PCDHGA3: variants seen among roughly 807,000 people sequenced by gnomAD.
The protein encoded by PCDHGA3 is protocadherin gamma subfamily A, 3.
A neutral mutation model predicts 58.5 loss-of-function variants in PCDHGA3; 40 were observed. The observed-to-expected ratio is 0.68, with a 90% CI of 0.53 to 0.89. The LOEUF is 0.89. PCDHGA3 is among the 40% of genes least tolerant of loss of function. The probability of loss-of-function intolerance (pLI) is 0.00; values close to 1 mark genes in which losing one functional copy is unlikely to be tolerated. For synonymous variants in PCDHGA3, 530 were observed against 525.7 expected (o/e 1.01, Z -0.11); for missense variants, 1,223 against 1,195.9 (o/e 1.02, Z -0.33).
intron 1 of PCDHGA3, among the ~76,000 whole-genome samples, chr5:141,359,034 G>C (rs79372563): frequency 0.023 from 3,485 of 152,348 alleles, 54 homozygotes; most frequent in South Asian, 0.038. Flanking sequence ...GGAAGTTGTA[G>C]TGATAGACTG....
At position 141,422,850 on chromosome 5, in the gene PCDHGA3, G is replaced by A. The variant is rs184432819; in HGVS notation, c.2425-71957G>A. On this transcript the variant is annotated intron_variant, in intron 1 of 3. Transcript: ENST00000253812. Reference sequence around the variant, plus strand: ...TGATAGCACGTGACAGCGGGGACCCGCCCCTCAGCAGCAACGTGTCGCTGA... The same window carrying A: ...TGATAGCACGTGACAGCGGGGACCCACCCCTCAGCAGCAACGTGTCGCTGA... 154 of 1,614,204 alleles carry A rather than the reference G, an allele frequency of 9.5e-5. 1 individual carries two copies. The African/African-American group carries it at 1.3e-3, about 14-fold the overall frequency.
intron 1 of PCDHGA3, chr5:141,394,909 C>A (rs1349151273): frequency 1.9e-6 from 3 of 1,613,418 alleles, no homozygotes; most frequent in East Asian, 4.5e-5. Context: ...GCAGTGGCTG[C>A]CATCTCCTGT....
intron 1 of PCDHGA3, among the ~76,000 whole-genome samples, chr5:141,437,721 A>G (rs2097904045): frequency 6.6e-6 from 1 of 151,664 alleles, no homozygotes; most frequent in African/African-American, 2.4e-5. Flanking sequence ...TTACCCTCTA[A>G]TGTTACACTT....
chr5:141,484,068 G>C (rs1287427208), intron 1 of PCDHGA3, among the ~76,000 whole-genome samples: 1 of 152,114 alleles, frequency 6.6e-6, no homozygotes, highest in African/African-American at 2.4e-5. Flanking sequence ...TAAGTGAAAA[G>C]CTTGCTCTTT....
intron 1 of PCDHGA3, chr5:141,478,531 C>G (rs771145308): frequency 1.2e-6 from 2 of 1,608,190 alleles, no homozygotes; most frequent in East Asian, 2.2e-5. Context: ...GTGCAGAGAG[C>G]GCCCCTCCCG....
At chr5:141,441,398 G>A (rs1257981333) in intron 1 of PCDHGA3, 1 of 154,848 alleles carries the variant, frequency 6.5e-6, no homozygotes, top group Non-Finnish European at 1.4e-5. Context: ...TATAACATCA[G>A]CATCACTGCC....
At chr5:141,351,532 C>CA in intron 1 of PCDHGA3, 2 of 1,614,046 alleles carry the variant, frequency 1.2e-6, no homozygotes, top group Non-Finnish European at 1.7e-6. Flanking sequence ...CCGACAAGGG[C>CA]AAACCAGCCC....
chr5:141,404,676 T>G lies in PCDHGA3; in HGVS notation c.2424+58219T>G, dbSNP rs904942152. The stretch of plus-strand genomic sequence containing the variant: ...CTCCCCACTGATGGTTCTACTGGTG[T>G]GGAGCTGGCACCCCGCTCTGCAGAG... On this transcript the variant is annotated intron_variant, in intron 1 of 3. Transcript: ENST00000253812. 3.1e-6 allele frequency: 5 copies of G among 1,614,010 alleles called. No individual in the cohort carries two copies. In the African/African-American group the frequency reaches 6.7e-5, roughly 22 times the overall value.
rs201160783 is a variant in PCDHGA3, at chr5:141,418,846, A to G, written c.2424+72389A>G. The G allele has an allele frequency of 7.4e-5, 120 of 1,613,976 alleles. No homozygotes were observed. In the East Asian group the frequency reaches 2.6e-3, roughly 34 times the overall value. On this transcript the variant is annotated intron_variant, in intron 1 of 3. Transcript: ENST00000253812. Reference sequence around the variant, plus strand: ...CAAAAGACCGAGGATCTCTCTCAACACGGTGTAAAGTAATTGTAGAAGTTG... The same window carrying G: ...CAAAAGACCGAGGATCTCTCTCAACGCGGTGTAAAGTAATTGTAGAAGTTG...
At chr5:141,415,352 C>T in intron 1 of PCDHGA3, 1 of 1,614,228 alleles carries the variant, frequency 6.2e-7, no homozygotes, top group Non-Finnish European at 8.5e-7. Context: ...TGGCACAAGT[C>T]ACGCCTGCTG....
Position 141,400,134 on chromosome 5 carries a change from G to A in PCDHGA3, c.2424+53677G>A, listed in dbSNP as rs373375631. The A allele has an allele frequency of 6.8e-6, 11 of 1,613,954 alleles. No homozygotes were observed. In the African/African-American group the frequency reaches 9.3e-5, roughly 14 times the overall value. Reference sequence around the variant, plus strand: ...CTGACAGCTTGCAGGAGGTGCTGCCGGATATCACTGACCGCCCTGTACCCT... The same window carrying A: ...CTGACAGCTTGCAGGAGGTGCTGCCAGATATCACTGACCGCCCTGTACCCT... On this transcript the variant is annotated intron_variant, in intron 1 of 3. Coordinates refer to ENST00000253812, the MANE Select transcript of PCDHGA3 (RefSeq NM_018916.4).
intron 1 of PCDHGA3, chr5:141,405,178 T>C (rs769150671): frequency 3.1e-6 from 5 of 1,613,890 alleles, no homozygotes; most frequent in African/African-American, 2.7e-5. Flanking sequence ...ACTTTGTGGG[T>C]GTAGATGGGG....
chr5:141,410,849 C>CTTTTTTTTTTT lies in PCDHGA3; in HGVS notation c.2424+64404_2424+64414dup, dbSNP rs759346998. On this transcript the variant is annotated intron_variant, in intron 1 of 3. Coordinates refer to ENST00000253812, the MANE Select transcript of PCDHGA3 (RefSeq NM_018916.4). ...CAGACTGAAGATATTTTGTCTTTGT[C>CTTTTTTTTTTT]TTTTTTTTTTTTTTTTTTTTTTGAG... 217 of 138,154 alleles carry CTTTTTTTTTTT rather than the reference C, an allele frequency of 1.6e-3. 10 individuals carry two copies. The highest frequency in any genetic ancestry group is 4.0e-3 in the African/African-American group (66 of 16,622). The allele number at this position is 138,154 out of a possible 1,614,324, so 8.6% of individuals were successfully genotyped here.
intron 1 of PCDHGA3, chr5:141,398,640 ACT>A (rs2093681875): frequency 1.9e-6 from 3 of 1,613,828 alleles, no homozygotes; most frequent in Non-Finnish European, 2.5e-6. Flanking sequence ...AGAAGTATAA[ACT>A]CTCTCTTAAC....
intron 1 of PCDHGA3, chr5:141,405,066 T>G: frequency 1.2e-6 from 2 of 1,613,866 alleles, no homozygotes; most frequent in South Asian, 2.2e-5. Context: ...TGTGTCTTCC[T>G]CACCTTCGTT....
intron 1 of PCDHGA3, among the ~76,000 whole-genome samples, chr5:141,434,848 C>T (rs1224972794): frequency 6.6e-6 from 1 of 151,786 alleles, no homozygotes; most frequent in Non-Finnish European, 1.5e-5. Context: ...AAGCAGACAT[C>T]AATAAATTTA....
rs201006002 is a variant in PCDHGA3, at chr5:141,432,497, C to T, written c.2425-62310C>T. 7 of 1,614,062 alleles carry T rather than the reference C, an allele frequency of 4.3e-6. 1 individual carries two copies. In the South Asian group the frequency reaches 6.6e-5, roughly 15 times the overall value. On this transcript the variant is annotated intron_variant, in intron 1 of 3. Transcript: ENST00000253812. This position sits in a 1 kb window ranked among gnomAD's most constrained non-coding sequence, Gnocchi z 6.0. Reference sequence around the variant, plus strand: ...TTCCACTGGCGTGGAGCTGGCTCCCCGCTCCGCAGAGCCCGGCTACCTGGT... The same window carrying T: ...TTCCACTGGCGTGGAGCTGGCTCCCTGCTCCGCAGAGCCCGGCTACCTGGT...
chr5:141,373,689 C>T (rs575785726), intron 1 of PCDHGA3, among the ~76,000 whole-genome samples: 2 of 152,314 alleles, frequency 1.3e-5, no homozygotes, highest in East Asian at 1.9e-4. Context: ...CTTCAGAGAA[C>T]ATTTAAAATT....
intron 1 of PCDHGA3, chr5:141,385,194 G>A (rs1274561417): frequency 1.2e-6 from 2 of 1,614,124 alleles, no homozygotes; most frequent in Non-Finnish European, 1.7e-6. Flanking sequence ...ACTCTCGGAA[G>A]AGTCACCTGA....
Sources: allele counts gnomAD v4.1 joint callset (sites outside exome capture counted in the v4.1 genomes callset), GRCh38; gene constraint gnomAD v4.1.1; non-coding constraint Gnocchi (gnomAD v3.1); transcripts MANE v1.5; gene names NCBI Gene and HGNC (gene_info 2026-07-23, HGNC 2026-07-21).